RYR2: variants seen among roughly 807,000 people sequenced by gnomAD.
RYR2 encodes cardiac muscle ryanodine receptor-calcium release channel.
RYR2 carries 227 observed loss-of-function variants against 601.1 expected under a neutral mutation model. The ratio of observed to expected loss-of-function variants is 0.38; its 90% CI spans 0.34 to 0.42. The LOEUF (loss-of-function observed/expected upper bound fraction) is 0.42. Among genes scored for constraint, RYR2 ranks in the 10% least tolerant of loss-of-function variants. The pLI, the probability that RYR2 is intolerant of heterozygous loss-of-function variation, is 1.00. For synonymous variants in RYR2, 2,223 were observed against 2,175.1 expected, an observed-to-expected ratio of 1.02 and a Z score of -0.61; for missense variants, 4,646 against 6,156.5, an observed-to-expected ratio of 0.75 and a Z score of 8.21.
intron 27 of RYR2, among the ~76,000 whole-genome samples, chr1:237,563,499 C>T (rs1208523938): frequency 6.7e-6 from 1 of 149,962 alleles, no homozygotes; most frequent in Non-Finnish European, 1.5e-5. Context: ...AAGTCCCTTG[C>T]ATGATAGTAT....
At chr1:237,725,188 G>A (rs1257508825) in intron 74 of RYR2, among the ~76,000 whole-genome samples, 1 of 152,104 alleles carries the variant, frequency 6.6e-6, no homozygotes, top group Non-Finnish European at 1.5e-5. Context: ...AAGTCTTAAG[G>A]TAGGAATTAT....
At chr1:237,071,884 G>T (rs892768599) in intron 1 of RYR2, among the ~76,000 whole-genome samples, 2 of 152,228 alleles carry the variant, frequency 1.3e-5, no homozygotes, top group African/African-American at 2.4e-5. Flanking sequence ...GGATGAGGCG[G>T]CGGGGGTGCT....
intron 11 of RYR2, among the ~76,000 whole-genome samples, chr1:237,419,195 A>G (rs564272714): frequency 6.6e-5 from 10 of 152,220 alleles, no homozygotes; most frequent in Non-Finnish European, 1.2e-4. Context: ...CAGATTGAAT[A>G]TGTGTTTTCA....
intron 2 of RYR2, among the ~76,000 whole-genome samples, chr1:237,279,167 C>T (rs569715806): frequency 5.3e-5 from 8 of 152,182 alleles, no homozygotes; most frequent in South Asian, 2.1e-4. Context: ...ATAAGAAAAG[C>T]GGGCTAAATA....
chr1:237,818,677 C>T (rs1662105906), intron 100 of RYR2, among the ~76,000 whole-genome samples: 1 of 151,646 alleles, frequency 6.6e-6, no homozygotes, highest in African/African-American at 2.4e-5. Context: ...AATAACCAAA[C>T]AATACAATAT....
chr1:237,346,058 G>C (rs576627668), intron 3 of RYR2, among the ~76,000 whole-genome samples: 1 of 152,142 alleles, frequency 6.6e-6, no homozygotes, highest in East Asian at 1.9e-4. Context: ...AGGAGATATT[G>C]ATAATTTTGA....
At chr1:237,223,681 G>A (rs2149152000) in intron 1 of RYR2, among the ~76,000 whole-genome samples, 1 of 152,306 alleles carries the variant, frequency 6.6e-6, no homozygotes, top group South Asian at 2.1e-4. Flanking sequence ...CAAAGGATGT[G>A]TGACTTCTCT....
At chr1:237,502,030 T>C (rs2150484444) in intron 21 of RYR2, among the ~76,000 whole-genome samples, 1 of 152,184 alleles carries the variant, frequency 6.6e-6, no homozygotes, top group South Asian at 2.1e-4. Context: ...TAGTTTTGTA[T>C]GCCTGTAGTC....
chr1:237,773,286 C>T (rs1260746703), intron 86 of RYR2, among the ~76,000 whole-genome samples: 2 of 152,150 alleles, frequency 1.3e-5, no homozygotes, highest in African/African-American at 4.8e-5. Flanking sequence ...ATTTTTAAAG[C>T]TAAGTTTTCT....
chr1:237,276,591 G>A (rs758367357), intron 2 of RYR2, among the ~76,000 whole-genome samples: 2 of 152,062 alleles, frequency 1.3e-5, no homozygotes, highest in African/African-American at 2.4e-5. Context: ...CCATGAATTA[G>A]CCTAATCAAG....
intron 41 of RYR2, 69 bp from the exon 42 acceptor site, chr1:237,631,358 A>T: frequency 1.1e-6 from 1 of 923,334 alleles, no homozygotes. Context: ...TAAAAGATTT[A>T]TGAGGAACTT....
At chr1:237,107,125 T>A (rs1054375488) in intron 1 of RYR2, among the ~76,000 whole-genome samples, 2 of 152,192 alleles carry the variant, frequency 1.3e-5, no homozygotes, top group South Asian at 2.1e-4. Context: ...AGCATTATTA[T>A]GTTTACTAAA....
intron 6 of RYR2, 123 bp from the exon 7 acceptor site, chr1:237,374,594 G>T (rs1459222671): frequency 1.3e-6 from 1 of 744,508 alleles, no homozygotes; most frequent in Middle Eastern, 2.4e-4. Flanking sequence ...GGAGGTTGAG[G>T]CTGCAGTGAG....
intron 1 of RYR2, among the ~76,000 whole-genome samples, chr1:237,097,645 G>T (rs1667629786): frequency 6.6e-6 from 1 of 152,206 alleles, no homozygotes; most frequent in African/African-American, 2.4e-5. Context: ...TGCAATCAAA[G>T]CAACTTTAAT....
rs73119313 is a variant in RYR2, at chr1:237,147,496, G to A, written c.48+104927G>A. On this transcript the variant is annotated intron_variant, in intron 1 of 104. Transcript: ENST00000366574. ...TAAACTTGAGCCCCTCACAATTCAC[G>A]TTCCTTCTGTTCAATGACCATTTTG... Among the ~76,000 whole-genome samples, 769 of 152,152 alleles carry A rather than the reference G, an allele frequency of 5.1e-3. 6 individuals carry two copies. Among genetic ancestry groups the A allele is most frequent in the African/African-American group, 0.018 (727 of 41,520 alleles).
intron 3 of RYR2, among the ~76,000 whole-genome samples, chr1:237,347,278 G>A (rs1238476269): frequency 3.3e-5 from 5 of 151,936 alleles, no homozygotes; most frequent in Non-Finnish European, 7.4e-5. Flanking sequence ...AGCTATGATT[G>A]TACCACCCTG....
chr1:237,287,680 C>T (rs1408609486), intron 2 of RYR2, among the ~76,000 whole-genome samples: 1 of 152,130 alleles, frequency 6.6e-6, no homozygotes, highest in Admixed American at 6.5e-5. Context: ...TTTCTTTAAG[C>T]TATCTAATTC....
At chr1:237,567,699 CT>C (rs1003934367) in intron 28 of RYR2, among the ~76,000 whole-genome samples, 132 of 147,868 alleles carry the variant, frequency 8.9e-4, no homozygotes, top group Admixed American at 2.4e-3. Context: ...TTAAAGTCTT[CT>C]TTTTTTTTTA....
At chr1:237,507,532 T>C (rs1279275871) in intron 23 of RYR2, among the ~76,000 whole-genome samples, 1 of 152,222 alleles carries the variant, frequency 6.6e-6, no homozygotes, top group Non-Finnish European at 1.5e-5. Flanking sequence ...TTACCCTTCA[T>C]AGTTTATTGC....
Sources: gnomAD v4.1 joint callset for allele counts (sites outside exome capture counted in the v4.1 genomes callset) on GRCh38, gnomAD v4.1.1 for gene constraint, MANE v1.5 for transcripts, NCBI Gene and HGNC (gene_info 2026-07-23, HGNC 2026-07-21) for gene names.